Variants in NOX5 observed in about 807,000 individuals in gnomAD.
NOX5 encodes the protein NADPH oxidase 5.
A neutral mutation model predicts 85.7 loss-of-function variants in NOX5; 76 were observed. The observed-to-expected ratio is 0.89, with a 90% confidence interval of 0.74 to 1.07. NOX5 has a LOEUF of 1.07. Among genes scored for constraint, NOX5 ranks in the 50% least tolerant of loss-of-function variants. NOX5 has a pLI of 0.00. For missense variants in NOX5, 973 were observed against 999.5 expected, an observed-to-expected ratio of 0.97 and a Z score of 0.36; for synonymous variants, 405 against 401.4, an observed-to-expected ratio of 1.01 and a Z score of -0.11.
At chr15:69,036,930 A>C in intron 7 of NOX5, 98 bp from the exon 8 acceptor site, 5 of 941,188 alleles carry the variant, frequency 5.3e-6, no homozygotes, top group Non-Finnish European at 8.4e-6. Flanking sequence ...CAAGGCTCTG[A>C]GCACTGCCCT....
At chr15:69,050,631 C>T (rs2050736050) in intron 14 of NOX5, among the ~76,000 whole-genome samples, 1 of 152,178 alleles carries the variant, frequency 6.6e-6, no homozygotes, top group East Asian at 1.9e-4. Context: ...TCAAGTGATC[C>T]ACCTGCTTCA....
chr15:69,037,332 C>T, intron 8 of NOX5, 122 bp downstream of exon 8: 1 of 1,015,900 alleles, frequency 9.8e-7, no homozygotes, highest in Non-Finnish European at 1.4e-6. Flanking sequence ...AGCTGCAGCC[C>T]CATTGCTATG....
chr15:69,031,432 C>T (rs1191972137), intron 3 of NOX5, 86 bp from the exon 4 acceptor site: 4 of 1,424,186 alleles, frequency 2.8e-6, no homozygotes, highest in Non-Finnish European at 3.8e-6. Context: ...TTTGGTCCTT[C>T]AGTTGCATGG....
intron 11 of NOX5, 36 bp from the exon 12 acceptor site, chr15:69,047,377 C>A: frequency 1.3e-6 from 2 of 1,528,970 alleles, no homozygotes; most frequent in Non-Finnish European, 8.8e-7. Flanking sequence ...CAGCGTCACC[C>A]CCCATCTCTC....
intron 5 of NOX5, among the ~76,000 whole-genome samples, chr15:69,034,305 A>T (rs1162316036): frequency 6.6e-6 from 1 of 152,048 alleles, no homozygotes; most frequent in East Asian, 1.9e-4. Context: ...GATACATGGG[A>T]TGTTTCGATA....
chr15:69,025,678 C>T (rs2050348990), intron 1 of NOX5, among the ~76,000 whole-genome samples: 1 of 152,210 alleles, frequency 6.6e-6, no homozygotes, highest in African/African-American at 2.4e-5. Flanking sequence ...TTATGTTACA[C>T]TCATGAGCTA....
chr15:69,045,944 C>T (rs1044114057), intron 10 of NOX5: 1 of 152,324 alleles, frequency 6.6e-6, no homozygotes, highest in African/African-American at 2.4e-5. Flanking sequence ...CGTGATGTCA[C>T]AATCCTGGAC....
chr15:69,016,313 T>A (rs1472448693), intron 1 of NOX5, among the ~76,000 whole-genome samples: 2 of 152,140 alleles, frequency 1.3e-5, no homozygotes, highest in East Asian at 3.9e-4. Flanking sequence ...CTCACCCCCC[T>A]CCTCCACAGT....
intron 1 of NOX5, among the ~76,000 whole-genome samples, chr15:69,017,999 C>T (rs2050251363): frequency 6.6e-6 from 1 of 152,114 alleles, no homozygotes; most frequent in African/African-American, 2.4e-5. Flanking sequence ...AGAATTCACA[C>T]TCCCAGGGCC....
At chr15:69,028,128 A>C in intron 2 of NOX5, 87 bp from the exon 3 acceptor site, 1 of 1,431,506 alleles carries the variant, frequency 7.0e-7, no homozygotes, top group Non-Finnish European at 9.4e-7. Context: ...CCCCACCACC[A>C]CCCCAGACAC....
chr15:69,016,090 T>G (rs953729126), intron 1 of NOX5, among the ~76,000 whole-genome samples: 6 of 152,214 alleles, frequency 3.9e-5, no homozygotes, highest in African/African-American at 1.4e-4. Flanking sequence ...GTGGGCTGCT[T>G]CTGGTACACA....
At chr15:69,028,531 C>A in intron 3 of NOX5, 166 bp downstream of exon 3, 1 of 525,632 alleles carries the variant, frequency 1.9e-6, no homozygotes, top group Non-Finnish European at 3.2e-6. Context: ...TCACATCTCT[C>A]TCCCAGTCCC....
At chr15:69,048,035 C>T (rs976879581) in intron 13 of NOX5, 124 bp downstream of exon 13, 23 of 752,934 alleles carry the variant, frequency 3.1e-5, no homozygotes, top group Non-Finnish European at 5.1e-5. Context: ...ATCTTTCTTT[C>T]CCCACAATAC....
intron 7 of NOX5, among the ~76,000 whole-genome samples, 170 bp downstream of exon 7, chr15:69,036,106 T>C (rs1427368742): frequency 6.6e-6 from 1 of 152,228 alleles, no homozygotes; most frequent in Middle Eastern, 3.2e-3. Context: ...GACTGTAGTT[T>C]ATGTCTGCCA....
intron 14 of NOX5, among the ~76,000 whole-genome samples, chr15:69,049,852 C>T (rs1413080311): frequency 6.6e-6 from 1 of 152,134 alleles, no homozygotes; most frequent in African/African-American, 2.4e-5. Flanking sequence ...TAAAATTTAC[C>T]AATTTAAGCG....
intron 2 of NOX5, among the ~76,000 whole-genome samples, chr15:69,027,685 A>ATGAGTGAACTGGTGATTAAGAACAAGCCT (rs2050375782): frequency 6.6e-6 from 1 of 152,190 alleles, no homozygotes; most frequent in Non-Finnish European, 1.5e-5. Context: ...CAGTGAATGA[A>ATGAGTGAACTGGTGATTAAGAACAAGCCT]TGAGTGAACT....
intron 14 of NOX5, among the ~76,000 whole-genome samples, chr15:69,051,442 G>A (rs917289887): frequency 4.0e-5 from 6 of 151,638 alleles, no homozygotes; most frequent in African/African-American, 1.5e-4. Context: ...AGGCTGGAGT[G>A]CAGTGGCGCT....
chr15:69,057,666 T>C lies in NOX5; in HGVS notation c.*970T>C, dbSNP rs1186319117. 2 of 152,236 alleles carry C rather than the reference T, an allele frequency of 1.3e-5. No homozygotes were observed. The highest frequency in any genetic ancestry group is 2.9e-5 in the Non-Finnish European group (2 of 68,052). The allele number at this position is 152,236 out of a possible 1,614,324, so 9.4% of individuals were successfully genotyped here. On this transcript the variant is annotated 3_prime_UTR_variant, in exon 16 of 16. Transcript: ENST00000388866. ...CTGGAAGCTCAGCTCAGCCACACTC[T>C]GGCTGTGTGGCCCTGGAAGCTTCCC...
intron 2 of NOX5, among the ~76,000 whole-genome samples, chr15:69,027,483 C>T (rs923714359): frequency 1.3e-5 from 2 of 152,128 alleles, no homozygotes; most frequent in African/African-American, 2.4e-5. Flanking sequence ...ATACCTCATA[C>T]TTGTGAACCC....
Sources: gnomAD v4.1 joint callset for allele counts (sites outside exome capture counted in the v4.1 genomes callset) on GRCh38, gnomAD v4.1.1 for gene constraint, MANE v1.5 for transcripts, NCBI Gene and HGNC (gene_info 2026-07-23, HGNC 2026-07-21) for gene names.